The following CDYL variants were observed in gnomAD, a reference collection of about 807,000 sequenced individuals.
The protein encoded by CDYL is chromodomain Y like, also known as chromodomain Y-like protein.
CDYL carries 8 observed loss-of-function variants against 47.3 expected under a neutral mutation model. That is an observed-to-expected ratio of 0.17 (90% CI 0.10 to 0.31). The LOEUF is 0.31. Among genes scored for constraint, CDYL ranks in the 10% least tolerant of loss-of-function variants. The pLI, the probability that CDYL is intolerant of heterozygous loss-of-function variation, is 1.00. For synonymous variants in CDYL, 266 were observed against 265.0 expected, an observed-to-expected ratio of 1.00 and a Z score of -0.04; for missense variants, 471 against 701.4, an observed-to-expected ratio of 0.67 and a Z score of 3.71.
intron 1 of CDYL, among the ~76,000 whole-genome samples, chr6:4,785,218 G>A (rs76659633): frequency 0.031 from 4,754 of 152,262 alleles, 238 homozygotes; most frequent in African/African-American, 0.11. Context: ...GTTTGTGTAA[G>A]TTCACTCTGT....
chr6:4,935,102 A>T (rs1262882761), intron 2 of CDYL, among the ~76,000 whole-genome samples: 41 of 152,230 alleles, frequency 2.7e-4, no homozygotes, highest in Admixed American at 6.5e-5. Context: ...ATTTGGAAAA[A>T]GAAGTTTCGA....
intron 2 of CDYL, among the ~76,000 whole-genome samples, chr6:4,927,676 A>G (rs926970404): frequency 1.3e-5 from 2 of 152,082 alleles, no homozygotes; most frequent in Non-Finnish European, 2.9e-5. Context: ...TTGGCCTCCT[A>G]CAGTGGTGGG....
chr6:4,786,766 A>G (rs377184512), intron 1 of CDYL, among the ~76,000 whole-genome samples: 8 of 152,278 alleles, frequency 5.3e-5, no homozygotes, highest in South Asian at 4.2e-4. Flanking sequence ...CTCTCTGTCT[A>G]TGGGCTAGAC....
intron 1 of CDYL, among the ~76,000 whole-genome samples, chr6:4,872,744 C>T (rs1361341750): frequency 2.0e-5 from 3 of 152,040 alleles, no homozygotes; most frequent in Non-Finnish European, 4.4e-5. Context: ...CTAACTTTGC[C>T]GTTTTATTAT....
At chr6:4,713,780 G>A (rs1757201405) in intron 1 of CDYL, among the ~76,000 whole-genome samples, 1 of 152,036 alleles carries the variant, frequency 6.6e-6, no homozygotes, top group Admixed American at 6.6e-5. Flanking sequence ...TAGAAATGAA[G>A]TTTCACCATT....
At chr6:4,850,134 A>G (rs1760780903) in intron 1 of CDYL, among the ~76,000 whole-genome samples, 1 of 152,248 alleles carries the variant, frequency 6.6e-6, no homozygotes, top group South Asian at 2.1e-4. Context: ...TGCACATAGG[A>G]TAACTGTATT....
At chr6:4,850,562 T>G (rs1337998142) in intron 1 of CDYL, among the ~76,000 whole-genome samples, 2 of 152,248 alleles carry the variant, frequency 1.3e-5, no homozygotes, top group African/African-American at 4.8e-5. Flanking sequence ...GTTCTTTTCC[T>G]TGTAAGAATG....
At chr6:4,838,555 T>A (rs2127457711) in intron 1 of CDYL, among the ~76,000 whole-genome samples, 1 of 152,358 alleles carries the variant, frequency 6.6e-6, no homozygotes, top group Non-Finnish European at 1.5e-5. Flanking sequence ...TGTTGACTGA[T>A]AAGTATTTGG....
At chr6:4,792,478 C>A (rs1396555135) in intron 1 of CDYL, among the ~76,000 whole-genome samples, 2 of 150,046 alleles carry the variant, frequency 1.3e-5, no homozygotes, top group Non-Finnish European at 3.0e-5. Flanking sequence ...GTTGCCCAGG[C>A]TGGAGTGCAG....
At chr6:4,735,150 G>C (rs1209616753) in intron 3 of CDYL, among the ~76,000 whole-genome samples, 4 of 152,042 alleles carry the variant, frequency 2.6e-5, no homozygotes, top group African/African-American at 4.8e-5. Context: ...GCTGGGCGTG[G>C]TGGCGCATGC....
chr6:4,842,370 C>T (rs1207704212), intron 1 of CDYL, among the ~76,000 whole-genome samples: 2 of 151,232 alleles, frequency 1.3e-5, no homozygotes, highest in African/African-American at 4.9e-5. Context: ...GTATTAAAGT[C>T]CCCCACTATA....
chr6:4,728,293 TCACCCCTGAAGCCAC>T (rs1417361767), intron 2 of CDYL, among the ~76,000 whole-genome samples: 3 of 152,178 alleles, frequency 2.0e-5, no homozygotes, highest in Non-Finnish European at 4.4e-5. Flanking sequence ...TGCCTCGGGC[TCACCCCTGAAGCCAC>T]CACCCCTGAG....
chr6:4,935,534 TGCATTAACA>T lies in CDYL; in HGVS notation c.714_722del (p.Leu239_Ala241del). 6.2e-7 allele frequency: 1 copy of T among 1,614,228 alleles called. No homozygotes were observed. The highest frequency in any genetic ancestry group is 8.5e-7 in the Non-Finnish European group (1 of 1,180,040). The stretch of plus-strand genomic sequence containing the variant: ...CGGCAGGTACATCTCCGTTCATGGA[TGCATTAACA>T]GCCAATGGGACAACCAACATACAGA... On this transcript the variant is annotated inframe_deletion, in exon 3 of 7. Transcript: ENST00000397588.
At chr6:4,789,762 G>T (rs2127434230) in intron 1 of CDYL, among the ~76,000 whole-genome samples, 1 of 152,238 alleles carries the variant, frequency 6.6e-6, no homozygotes, top group East Asian at 1.9e-4. Context: ...CACCTACTCT[G>T]GGTGTTACTC....
chr6:4,749,848 G>A (rs1317940612), intron 3 of CDYL, among the ~76,000 whole-genome samples: 1 of 152,168 alleles, frequency 6.6e-6, no homozygotes, highest in Non-Finnish European at 1.5e-5. Flanking sequence ...TCCCCTTCGA[G>A]AGTGAAAGAG....
upstream of CDYL, among the ~76,000 whole-genome samples, chr6:4,776,234 G>A (rs1221905058): frequency 3.0e-4 from 43 of 141,028 alleles, no homozygotes; most frequent in Admixed American, 7.7e-4. Context: ...CGGCCCCGCC[G>A]GCCGCCCGCC....
At chr6:4,809,381 G>A (rs1054869792) in intron 1 of CDYL, among the ~76,000 whole-genome samples, 1 of 152,122 alleles carries the variant, frequency 6.6e-6, no homozygotes, top group African/African-American at 2.4e-5. Context: ...AATTATAAAC[G>A]GTGTTGCAAT....
chr6:4,917,843 T>G (rs1263077441), intron 2 of CDYL, among the ~76,000 whole-genome samples: 1 of 152,172 alleles, frequency 6.6e-6, no homozygotes, highest in Admixed American at 6.5e-5. Flanking sequence ...AAATGAGGTG[T>G]CTGAAGTTCT....
intron 1 of CDYL, among the ~76,000 whole-genome samples, chr6:4,797,779 T>A (rs927188492): frequency 6.6e-6 from 1 of 152,250 alleles, no homozygotes. Flanking sequence ...TTTTTGTAGC[T>A]GATTAATACC....
Sources: allele counts gnomAD v4.1 joint callset (sites outside exome capture counted in the v4.1 genomes callset), GRCh38; gene constraint gnomAD v4.1.1; transcripts MANE v1.5; gene names NCBI Gene and HGNC (gene_info 2026-07-23, HGNC 2026-07-21).